The following SCUBE1 variants were observed in gnomAD, a reference collection of about 807,000 sequenced individuals.
SCUBE1 encodes signal peptide, CUB and EGF-like domain-containing protein 1.
SCUBE1 carries 59 observed loss-of-function variants against 124.4 expected under a neutral mutation model. The observed-to-expected ratio is 0.47, with a 90% CI of 0.38 to 0.59. The LOEUF (loss-of-function observed/expected upper bound fraction) is 0.59. Ranked by LOEUF, SCUBE1 falls within the 20% of genes least tolerant of loss-of-function variation. The pLI is 0.00. For missense variants in SCUBE1, 1,150 were observed against 1,371.2 expected, an observed-to-expected ratio of 0.84 and a Z score of 2.55; for synonymous variants, 545 against 550.9, an observed-to-expected ratio of 0.99 and a Z score of 0.15.
chr22:43,302,151 G>A (rs909361866), intron 3 of SCUBE1, among the ~76,000 whole-genome samples: 1 of 152,256 alleles, frequency 6.6e-6, no homozygotes, highest in African/African-American at 2.4e-5. Flanking sequence ...CGAGAGTGGG[G>A]AGCTTGTGCG....
intron 2 of SCUBE1, among the ~76,000 whole-genome samples, chr22:43,325,429 G>A (rs1926692054): frequency 1.1e-5 from 1 of 94,338 alleles, no homozygotes; most frequent in Non-Finnish European, 1.9e-5. Flanking sequence ...GGCAACAAGA[G>A]CAAAACTCCG....
intron 3 of SCUBE1, among the ~76,000 whole-genome samples, chr22:43,305,103 G>A (rs904642841): frequency 2.0e-5 from 3 of 152,110 alleles, no homozygotes; most frequent in African/African-American, 7.2e-5. Flanking sequence ...TCTTGGCGAC[G>A]TGATTCTGCA....
intron 6 of SCUBE1, 180 bp from the exon 7 acceptor site, chr22:43,239,134 C>T (rs1411843890): frequency 1.2e-5 from 7 of 602,256 alleles, no homozygotes; most frequent in Admixed American, 8.7e-5. Flanking sequence ...GCCTCAAGCT[C>T]CCCATCTGTG....
intron 16 of SCUBE1, 43 bp downstream of exon 16, chr22:43,214,047 G>GGGGGGGCCCCCCCCCCC: frequency 7.0e-6 from 1 of 143,440 alleles, no homozygotes; most frequent in Non-Finnish European, 1.3e-5. Context: ...AGGAGCCCCC[G>GGGGGGGCCCCCCCCCCC]CCCACCCCCC....
At chr22:43,230,375 G>A (rs767756679) in intron 8 of SCUBE1, among the ~76,000 whole-genome samples, 1 of 151,904 alleles carries the variant, frequency 6.6e-6, no homozygotes, top group African/African-American at 2.4e-5. Flanking sequence ...GAGCATGGAC[G>A]CTTCCCTGCT....
rs113503968 is a variant in SCUBE1, at chr22:43,218,029, T to G, written c.1891+226A>C. Among the ~76,000 whole-genome samples, 876 of 136,252 alleles carry G rather than the reference T, an allele frequency of 6.4e-3. 5 individuals are homozygous for G. The highest frequency in any genetic ancestry group is 0.027 in the African/African-American group (831 of 30,682). 89.4% of individuals were successfully genotyped at this position (136,252 alleles called of 152,430 possible). A position where few individuals can be genotyped will look rare whatever the true frequency, so the allele number is the denominator to read the frequency against. ...GCCTTGCTGTCCTGTCCACTCCTTG[T>G]CCCTCCTCAGACTGTGATCACATGC... On this transcript the variant is annotated intron_variant, in intron 15 of 21. Coordinates refer to ENST00000360835, the MANE Select transcript of SCUBE1 (RefSeq NM_173050.5).
At chr22:43,291,593 G>C (rs887407120) in intron 3 of SCUBE1, among the ~76,000 whole-genome samples, 3 of 151,784 alleles carry the variant, frequency 2.0e-5, no homozygotes, top group African/African-American at 7.3e-5. Flanking sequence ...ACAGTGGTAC[G>C]GTGGGCTCCC....
chr22:43,245,449 C>T (rs376017391), intron 6 of SCUBE1, among the ~76,000 whole-genome samples: 6 of 152,216 alleles, frequency 3.9e-5, no homozygotes, highest in Admixed American at 3.3e-4. Context: ...CAGGTGGTGG[C>T]GCGGGTGGGG....
chr22:43,262,931 G>A (rs1923926709), intron 4 of SCUBE1, 86 bp from the exon 5 acceptor site: 1 of 1,434,714 alleles, frequency 7.0e-7, no homozygotes, highest in South Asian at 1.2e-5. Flanking sequence ...GATAGCCAAT[G>A]ATATGTAACA....
At chr22:43,286,816 C>T (rs990317879) in intron 4 of SCUBE1, among the ~76,000 whole-genome samples, 1 of 152,204 alleles carries the variant, frequency 6.6e-6, no homozygotes, top group African/African-American at 2.4e-5. Context: ...ATACAAGTGA[C>T]CTGCATTCAC....
At chr22:43,260,851 G>A (rs1259312735) in intron 5 of SCUBE1, among the ~76,000 whole-genome samples, 1 of 152,164 alleles carries the variant, frequency 6.6e-6, no homozygotes, top group African/African-American at 2.4e-5. Context: ...CTGCTCACAG[G>A]GCCCTGCCTA....
intron 3 of SCUBE1, among the ~76,000 whole-genome samples, chr22:43,297,786 T>G (rs1925618667): frequency 6.6e-6 from 1 of 152,238 alleles, no homozygotes; most frequent in Non-Finnish European, 1.5e-5. Flanking sequence ...AAAAATTACT[T>G]CTGGATCCAG....
At chr22:43,327,350 A>C (rs1350790981) in intron 2 of SCUBE1, among the ~76,000 whole-genome samples, 1 of 152,208 alleles carries the variant, frequency 6.6e-6, no homozygotes. Flanking sequence ...CGATGGTTCT[A>C]TTTACATCAA....
chr22:43,335,802 GTGATGATGATGA>G (rs1208851824), intron 2 of SCUBE1, among the ~76,000 whole-genome samples: 1 of 138,528 alleles, frequency 7.2e-6, no homozygotes, highest in Admixed American at 6.9e-5. Context: ...GATGATGATG[GTGATGATGATGA>G]TGATGGTGAT....
rs1301802351 is a variant in SCUBE1 at position 43,279,393 on chromosome 22, C to T, written c.484+11653G>A. ...TCCAACCACTTAGGAGGCTGAGTGC[C>T]AGCAGGAAAGAAACCTTTATTTTTA... On this transcript the variant is annotated intron_variant, in intron 4 of 21. Coordinates refer to ENST00000360835, the MANE Select transcript of SCUBE1 (RefSeq NM_173050.5). 2.6e-5 allele frequency among the ~76,000 whole-genome samples: 4 copies of T among 152,298 alleles called. No individual in the cohort carries two copies. In the East Asian group the frequency reaches 5.8e-4, roughly 22 times the overall value.
At chr22:43,323,248 G>T (rs115975536) in intron 2 of SCUBE1, among the ~76,000 whole-genome samples, 1,845 of 152,100 alleles carry the variant, frequency 0.012, 34 homozygotes, top group African/African-American at 0.043. Context: ...ACATACACAT[G>T]TGTGCATGCC....
chr22:43,265,839 C>T (rs1192006966), intron 4 of SCUBE1, among the ~76,000 whole-genome samples: 1 of 152,194 alleles, frequency 6.6e-6, no homozygotes, highest in East Asian at 1.9e-4. Flanking sequence ...GTGGCTCACG[C>T]CTGTAATCCC....
chr22:43,280,814 A>G (rs1283854582), intron 4 of SCUBE1, among the ~76,000 whole-genome samples: 18 of 102,882 alleles, frequency 1.7e-4, no homozygotes, highest in African/African-American at 6.3e-4. Context: ...CACCTCCCTC[A>G]GCCATCCTCC....
intron 17 of SCUBE1, among the ~76,000 whole-genome samples, chr22:43,212,011 G>A (rs1193795342): frequency 6.6e-6 from 1 of 152,120 alleles, no homozygotes; most frequent in Non-Finnish European, 1.5e-5. Context: ...GTGAGTGAGG[G>A]AAGACGGGAT....
Sources: allele counts gnomAD v4.1 joint callset (sites outside exome capture counted in the v4.1 genomes callset), GRCh38; gene constraint gnomAD v4.1.1; transcripts MANE v1.5; gene names NCBI Gene and HGNC (gene_info 2026-07-23, HGNC 2026-07-21).